Variants in TENM1 observed in about 807,000 individuals in gnomAD.
TENM1 encodes the protein teneurin-1.
Under a neutral mutation model 174.8 loss-of-function variants are expected in TENM1, and 35 were observed. The ratio of observed to expected loss-of-function variants is 0.20; its 90% CI spans 0.15 to 0.27. The LOEUF (loss-of-function observed/expected upper bound fraction) is 0.27. Ranked by LOEUF, TENM1 falls within the 10% of genes least tolerant of loss-of-function variation. The pLI, the probability that TENM1 is intolerant of heterozygous loss-of-function variation, is 1.00. For synonymous variants in TENM1, 781 were observed against 798.7 expected, an observed-to-expected ratio of 0.98 and a Z score of 0.37; for missense variants, 1,633 against 2,130.1, an observed-to-expected ratio of 0.77 and a Z score of 4.59.
chrX:125,101,055 G>T, the TENM1 span, among the ~76,000 whole-genome samples: 1 of 110,725 alleles, frequency 9.0e-6, no homozygotes, highest in African/African-American at 3.3e-5. Context: ...TTTAAATCCA[G>T]GTAATGGTAC....
the TENM1 span, among the ~76,000 whole-genome samples, chrX:125,062,233 T>G: frequency 8.9e-6 from 1 of 111,875 alleles, no homozygotes; most frequent in Middle Eastern, 4.6e-3. Context: ...ATTATAACAC[T>G]TTTGTTGTTA....
At chrX:124,523,745 A>G (rs1367204662) in intron 16 of TENM1, 120 bp from the exon 20 acceptor site, 2 of 689,671 alleles carry the variant, frequency 2.9e-6, no homozygotes, top group Non-Finnish European at 4.2e-6. Context: ...ATCCACTTGT[A>G]TTGTCTATTT....
At chrX:124,517,234 A>G (rs1297649084) in intron 18 of TENM1, among the ~76,000 whole-genome samples, 1 of 111,084 alleles carries the variant, frequency 9.0e-6, no homozygotes, top group Admixed American at 9.6e-5. Context: ...AACAATCTGT[A>G]CAACAAACCC....
At chrX:125,193,405 G>A in the TENM1 span, among the ~76,000 whole-genome samples, 1 of 111,912 alleles carries the variant, frequency 8.9e-6, no homozygotes, top group African/African-American at 3.3e-5. Flanking sequence ...TTCTTTTTTA[G>A]AGATGGGGTC....
At chrX:125,003,189 A>C in the TENM1 span, among the ~76,000 whole-genome samples, 4 of 111,579 alleles carry the variant, frequency 3.6e-5, no homozygotes, top group Non-Finnish European at 5.6e-5. Context: ...AGTAGGAAAA[A>C]GTTTGAGGAA....
At chrX:124,999,139 T>A in the TENM1 span, among the ~76,000 whole-genome samples, 1 of 111,201 alleles carries the variant, frequency 9.0e-6, no homozygotes, top group Non-Finnish European at 1.9e-5. Context: ...ATCTTTCAAA[T>A]CAATAATAGC....
At chrX:124,412,140 G>C (rs1348150754) in intron 25 of TENM1, 1 of 112,708 alleles carries the variant, frequency 8.9e-6, no homozygotes, top group Non-Finnish European at 1.9e-5. Flanking sequence ...TGATTTTACA[G>C]AGTTCCACTG....
intron 4 of TENM1, among the ~76,000 whole-genome samples, chrX:124,717,389 C>G: frequency 8.9e-6 from 1 of 111,884 alleles, no homozygotes; most frequent in Non-Finnish European, 1.9e-5. Context: ...ATCGTATTCT[C>G]TCTTTCTCAC....
intron 11 of TENM1, among the ~76,000 whole-genome samples, chrX:124,583,717 T>G (rs2049399415): frequency 1.8e-5 from 2 of 111,979 alleles, no homozygotes; most frequent in South Asian, 7.5e-4. Context: ...AGAAGAAGGC[T>G]TCAGACGATC....
At chrX:124,676,216 G>A (rs1186863604) in intron 5 of TENM1, among the ~76,000 whole-genome samples, 1 of 84,334 alleles carries the variant, frequency 1.2e-5, no homozygotes, top group Non-Finnish European at 2.3e-5. Context: ...ACTCTTGACT[G>A]TAAGCAAGGT....
chrX:124,857,817 T>C (rs915175297), intron 3 of TENM1, among the ~76,000 whole-genome samples: 2 of 110,087 alleles, frequency 1.8e-5, no homozygotes, highest in African/African-American at 6.6e-5. Flanking sequence ...TCCTAGTCAC[T>C]CACAAATGAA....
At chrX:124,757,157 T>G (rs896860288) in intron 3 of TENM1, among the ~76,000 whole-genome samples, 3 of 112,677 alleles carry the variant, frequency 2.7e-5, no homozygotes, top group African/African-American at 9.7e-5. Flanking sequence ...CAGTTCGAGC[T>G]TCCGGCCTGC....
intron 19 of TENM1, among the ~76,000 whole-genome samples, chrX:124,498,122 T>C (rs926126735): frequency 1.8e-5 from 2 of 111,572 alleles, no homozygotes; most frequent in African/African-American, 6.5e-5. Context: ...CTAATCATCT[T>C]GTGAGTGGTT....
chrX:124,747,128 G>A (rs2053937821), intron 3 of TENM1, among the ~76,000 whole-genome samples: 1 of 105,747 alleles, frequency 9.5e-6, no homozygotes, highest in Non-Finnish European at 1.9e-5. Flanking sequence ...CTCCAGCCTG[G>A]GCGACACAGC....
At chrX:124,995,388 T>C in the TENM1 span, among the ~76,000 whole-genome samples, 1 of 111,468 alleles carries the variant, frequency 9.0e-6, no homozygotes, top group Non-Finnish European at 1.9e-5. Context: ...AGTGCCTTGT[T>C]CTTAGTTCAA....
chrX:124,468,889 T>C (rs979377178), intron 22 of TENM1, among the ~76,000 whole-genome samples: 1 of 112,551 alleles, frequency 8.9e-6, no homozygotes, highest in Non-Finnish European at 1.9e-5. Context: ...TTAATGGTTT[T>C]ACATGTAGAT....
At chrX:124,482,042 G>T in intron 21 of TENM1, 78 bp from the exon 25 acceptor site, 1 of 585,239 alleles carries the variant, frequency 1.7e-6, no homozygotes. Flanking sequence ...TTTCACAAAT[G>T]GAAAAATCTT....
intron 23 of TENM1, among the ~76,000 whole-genome samples, chrX:124,444,349 G>A (rs549729273): frequency 6.2e-4 from 70 of 112,301 alleles, no homozygotes; most frequent in African/African-American, 2.1e-3. Flanking sequence ...AGATGGGAAT[G>A]AGAGACACGT....
At chrX:124,563,379 AAATT>A (rs1054914919) in intron 13 of TENM1, among the ~76,000 whole-genome samples, 1 of 101,557 alleles carries the variant, frequency 9.8e-6, no homozygotes, top group Non-Finnish European at 1.9e-5. Context: ...AATAATTATT[AAATT>A]ATTAAAAATT....
Sources: allele counts gnomAD v4.1 joint callset (sites outside exome capture counted in the v4.1 genomes callset), GRCh38; gene constraint gnomAD v4.1.1; transcripts MANE v1.5; gene names NCBI Gene and HGNC (gene_info 2026-07-23, HGNC 2026-07-21).